The following PTPRD variants were observed in gnomAD, a reference collection of about 807,000 sequenced individuals.
PTPRD encodes protein tyrosine phosphatase receptor type D.
A neutral mutation model predicts 214.5 loss-of-function variants in PTPRD; 34 were observed. The ratio of observed to expected loss-of-function variants is 0.16; its 90% CI spans 0.12 to 0.21. The LOEUF (loss-of-function observed/expected upper bound fraction) is 0.21. Among genes scored for constraint, PTPRD ranks in the 10% least tolerant of loss-of-function variants. The probability of loss-of-function intolerance (pLI) is 1.00; values close to 1 mark genes in which losing one functional copy is unlikely to be tolerated. For missense variants in PTPRD, 2,545 were observed against 2,398.7 expected, an observed-to-expected ratio of 1.06 and a Z score of -1.27; for synonymous variants, 1,128 against 845.7, an observed-to-expected ratio of 1.33 and a Z score of -5.79.
chr9:9,495,835 C>G (rs1021612284), intron 8 of PTPRD, among the ~76,000 whole-genome samples: 1 of 152,202 alleles, frequency 6.6e-6, no homozygotes, highest in African/African-American at 2.4e-5. Flanking sequence ...AGCCACCCCA[C>G]GTGATGAGGC....
chr9:8,878,298 G>A (rs1321445131), intron 11 of PTPRD, among the ~76,000 whole-genome samples: 1 of 152,064 alleles, frequency 6.6e-6, no homozygotes, highest in African/African-American at 2.4e-5. Flanking sequence ...TACTTGGAGG[G>A]AAATAAAATG....
intron 2 of PTPRD, among the ~76,000 whole-genome samples, chr9:10,363,930 TG>T (rs199849342): frequency 0.01 from 1,561 of 151,216 alleles, 9 homozygotes; most frequent in Non-Finnish European, 0.013. Flanking sequence ...GAATTTTTTT[TG>T]CTTCCCAGGC....
At chr9:8,744,830 A>G (rs1008355386) in intron 11 of PTPRD, among the ~76,000 whole-genome samples, 1 of 152,206 alleles carries the variant, frequency 6.6e-6, no homozygotes, top group Non-Finnish European at 1.5e-5. Flanking sequence ...AGAACATTAT[A>G]ATCCCAACGT....
chr9:10,414,471 C>T (rs1025743091), intron 2 of PTPRD, among the ~76,000 whole-genome samples: 3 of 151,792 alleles, frequency 2.0e-5, no homozygotes, highest in African/African-American at 7.2e-5. Flanking sequence ...GAAAAAGGAA[C>T]ACTTAGACAC....
intron 24 of PTPRD, among the ~76,000 whole-genome samples, chr9:8,500,143 G>A (rs2097362851): frequency 6.6e-6 from 1 of 151,466 alleles, no homozygotes; most frequent in Admixed American, 6.6e-5. Flanking sequence ...GATGCTTTGA[G>A]GTTCAAAGCA....
At chr9:8,732,720 C>T (rs187386884) in intron 12 of PTPRD, among the ~76,000 whole-genome samples, 1 of 152,106 alleles carries the variant, frequency 6.6e-6, no homozygotes, top group African/African-American at 2.4e-5. Flanking sequence ...TCTCAAAATA[C>T]CTCTTTAGAA....
intron 10 of PTPRD, among the ~76,000 whole-genome samples, chr9:9,024,901 G>C (rs1284876737): frequency 5.3e-5 from 8 of 151,824 alleles, no homozygotes; most frequent in Non-Finnish European, 1.0e-4. Context: ...TAAAAACCAA[G>C]GGAAAGTTTA....
intron 8 of PTPRD, among the ~76,000 whole-genome samples, chr9:9,539,239 A>G (rs1034431273): frequency 6.6e-6 from 1 of 151,888 alleles, no homozygotes; most frequent in Non-Finnish European, 1.5e-5. Context: ...ACACTGAAGA[A>G]TCAGTGGCAG....
chr9:8,599,216 G>A (rs1002581440), intron 14 of PTPRD, among the ~76,000 whole-genome samples: 1 of 152,094 alleles, frequency 6.6e-6, no homozygotes, highest in African/African-American at 2.4e-5. Context: ...ATGATTGTGA[G>A]ACCTACCCAA....
chr9:9,960,117 AAATATGC>A lies in PTPRD; in HGVS notation c.-471-21514_-471-21508del, dbSNP rs940406502. Among the ~76,000 whole-genome samples the A allele has an allele frequency of 1.2e-4, 19 of 152,234 alleles. No individual in the cohort carries two copies. The East Asian group carries it at 2.9e-3, about 23-fold the overall frequency. ...CGACTGACTCTAGGTCTGAGGCAGG[AAATATGC>A]AACAACTTGGAACAACCAGTAGTGG... On this transcript the variant is annotated intron_variant, in intron 4 of 45. Coordinates refer to ENST00000381196, the MANE Select transcript of PTPRD (RefSeq NM_002839.4).
intron 9 of PTPRD, among the ~76,000 whole-genome samples, chr9:9,187,799 G>A (rs192781661): frequency 6.6e-6 from 1 of 151,542 alleles, no homozygotes; most frequent in South Asian, 2.1e-4. Flanking sequence ...TTGTGGTGTT[G>A]TGTTATGTTG....
rs867427764 is a variant in PTPRD, at chr9:10,302,522, C to T, written c.-545+38441G>A. On this transcript the variant is annotated intron_variant, in intron 3 of 45. Coordinates refer to ENST00000381196, the MANE Select transcript of PTPRD (RefSeq NM_002839.4). ...GGTGTGCTGTATTCGGGAGACCCAT[C>T]TCACGTGCAAAGACACACATATGCT... 3.3e-5 allele frequency among the ~76,000 whole-genome samples: 5 copies of T among 152,328 alleles called. 1 individual carries two copies. The Middle Eastern group carries it at 0.01, about 311-fold the overall frequency.
intron 5 of PTPRD, among the ~76,000 whole-genome samples, chr9:9,809,285 T>C (rs1453645330): frequency 4.7e-5 from 7 of 148,818 alleles, no homozygotes; most frequent in African/African-American, 1.5e-4. Context: ...TTTTTTTTTT[T>C]CAGACGCAGT....
At chr9:8,363,946 C>T (rs540628242) in intron 39 of PTPRD, among the ~76,000 whole-genome samples, 109 of 152,316 alleles carry the variant, frequency 7.2e-4, no homozygotes, top group Non-Finnish European at 1.3e-3. Flanking sequence ...GAAATTCTCT[C>T]GGCAGCTGTA....
intron 7 of PTPRD, among the ~76,000 whole-genome samples, chr9:9,593,693 A>G (rs1361700271): frequency 6.6e-6 from 1 of 152,030 alleles, no homozygotes; most frequent in Non-Finnish European, 1.5e-5. Flanking sequence ...GAACTAGGGG[A>G]GAACCAAAGT....
intron 3 of PTPRD, among the ~76,000 whole-genome samples, chr9:10,271,378 G>A (rs1182993475): frequency 1.1e-5 from 1 of 92,328 alleles, no homozygotes; most frequent in East Asian, 2.9e-4. Context: ...AATTTAAAGA[G>A]TAACTCAGAG....
At chr9:9,239,308 A>T (rs1399349025) in intron 9 of PTPRD, among the ~76,000 whole-genome samples, 1 of 152,110 alleles carries the variant, frequency 6.6e-6, no homozygotes, top group African/African-American at 2.4e-5. Context: ...AGATAATTTT[A>T]AATTTTTTGG....
At chr9:8,641,151 G>T (rs1244961375) in intron 12 of PTPRD, among the ~76,000 whole-genome samples, 1 of 148,366 alleles carries the variant, frequency 6.7e-6, no homozygotes, top group Non-Finnish European at 1.5e-5. Context: ...TTTAAGCCAT[G>T]CTCTGAAGAT....
intron 2 of PTPRD, among the ~76,000 whole-genome samples, chr9:10,358,744 T>C (rs908995297): frequency 6.6e-6 from 1 of 151,960 alleles, no homozygotes; most frequent in African/African-American, 2.4e-5. Context: ...TAATTGCATT[T>C]TGTGCCCAAC....
Sources: gnomAD v4.1 joint callset for allele counts (sites outside exome capture counted in the v4.1 genomes callset) on GRCh38, gnomAD v4.1.1 for gene constraint, MANE v1.5 for transcripts, NCBI Gene and HGNC (gene_info 2026-07-23, HGNC 2026-07-21) for gene names.